Variants in EPB41L5 observed in about 807,000 individuals in gnomAD.
EPB41L5 encodes the protein erythrocyte membrane protein band 4.1 like 5, also known as band 4.1-like protein 5.
A neutral mutation model predicts 106.6 loss-of-function variants in EPB41L5; 55 were observed. The ratio of observed to expected loss-of-function variants is 0.52; its 90% CI spans 0.42 to 0.65. The LOEUF (loss-of-function observed/expected upper bound fraction) is 0.65. Ranked by LOEUF, EPB41L5 falls within the 30% of genes least tolerant of loss-of-function variation. The pLI, the probability that EPB41L5 is intolerant of heterozygous loss-of-function variation, is 0.00. For missense variants in EPB41L5, 871 were observed against 882.1 expected (o/e 0.99, Z 0.16); for synonymous variants, 297 against 306.7 (o/e 0.97, Z 0.33).
chr2:120,055,193 G>A (rs1226965040), intron 3 of EPB41L5, among the ~76,000 whole-genome samples: 1 of 152,126 alleles, frequency 6.6e-6, no homozygotes, highest in Non-Finnish European at 1.5e-5. Flanking sequence ...TGATCCTTAT[G>A]CCAGTACCAC....
intron 11 of EPB41L5, among the ~76,000 whole-genome samples, chr2:120,089,430 GT>G (rs1294748446): frequency 6.6e-6 from 1 of 151,896 alleles, no homozygotes; most frequent in Non-Finnish European, 1.5e-5. Context: ...TGTTAGAATT[GT>G]TTTAAAAACT....
rs539039929 is a variant in EPB41L5, at chr2:120,015,420, G to T, written c.-9+2210G>T. On this transcript the variant is annotated intron_variant, in intron 1 of 24. Coordinates refer to ENST00000263713, the MANE Select transcript of EPB41L5 (RefSeq NM_020909.4). ...TCCGCCTTAGCCTCCCAAAGTGCTG[G>T]GATTACAGACATGAGCCACTGTACC... Among the ~76,000 whole-genome samples, 6 of 151,988 alleles carry T rather than the reference G, an allele frequency of 3.9e-5. No individual in the cohort carries two copies. The South Asian group carries it at 1.0e-3, about 26-fold the overall frequency.
chr2:120,023,868 T>C (rs1217251554), intron 2 of EPB41L5, among the ~76,000 whole-genome samples: 1 of 152,236 alleles, frequency 6.6e-6, no homozygotes, highest in Non-Finnish European at 1.5e-5. Flanking sequence ...GAGCAATGGT[T>C]TGTAGTTCTC....
intron 12 of EPB41L5, among the ~76,000 whole-genome samples, chr2:120,091,308 T>C (rs116229335): frequency 0.021 from 3,227 of 152,276 alleles, 112 homozygotes; most frequent in African/African-American, 0.073. Context: ...TTCAAACTTA[T>C]TTAATGTGTA....
chr2:120,022,647 G>A (rs772028070), intron 2 of EPB41L5, among the ~76,000 whole-genome samples: 11 of 152,126 alleles, frequency 7.2e-5, no homozygotes, highest in Non-Finnish European at 1.3e-4. Flanking sequence ...AATCATACAT[G>A]TGCATGTGTC....
chr2:120,016,046 T>C (rs1677500935), intron 1 of EPB41L5, among the ~76,000 whole-genome samples: 1 of 152,236 alleles, frequency 6.6e-6, no homozygotes, highest in Non-Finnish European at 1.5e-5. Context: ...AAAAATCCTG[T>C]TCCTACAACT....
In EPB41L5 at chr2:120,167,807, A is replaced by C; in HGVS notation, c.2005-70A>C. On this transcript the variant is annotated intron_variant, in intron 23 of 24. Coordinates refer to ENST00000263713, the MANE Select transcript of EPB41L5 (RefSeq NM_020909.4). ...ATCTCATAGTCATTAGTGAAGCTTG[A>C]TTTGGAGCTGAAGTGCTGACCAGGC... is the stretch of plus-strand genomic sequence containing the variant. The C allele has an allele frequency of 3.2e-6, 5 of 1,577,620 alleles. No individual in the cohort carries two copies. In the South Asian group the frequency reaches 4.5e-5, roughly 14 times the overall value.
intron 24 of EPB41L5, among the ~76,000 whole-genome samples, 162 bp downstream of exon 24, chr2:120,168,169 TTTC>T (rs1687501639): frequency 1.3e-5 from 2 of 152,256 alleles, no homozygotes; most frequent in Admixed American, 1.3e-4. Flanking sequence ...GTAGTGGCTT[TTTC>T]TTGTCAGTAG....
intron 3 of EPB41L5, among the ~76,000 whole-genome samples, chr2:120,042,717 A>G (rs1679476071): frequency 6.6e-6 from 1 of 152,166 alleles, no homozygotes; most frequent in African/African-American, 2.4e-5. Context: ...TAGTGGTTAT[A>G]TCATTCAAAC....
chr2:120,074,232 T>G, intron 5 of EPB41L5, 54 bp downstream of exon 5: 4 of 1,357,124 alleles, frequency 2.9e-6, no homozygotes, highest in Admixed American at 1.9e-5. Flanking sequence ...TTTGAAAGAC[T>G]GTCTTTATAT....
intron 16 of EPB41L5, chr2:120,105,169 C>A (rs1036460735): frequency 1.0e-6 from 1 of 979,320 alleles, no homozygotes; most frequent in African/African-American, 1.8e-5. Context: ...TTTAGAATTT[C>A]AAGCTCCTTG....
chr2:120,059,462 TAA>T lies in EPB41L5; in HGVS notation c.286-13709_286-13708del, dbSNP rs1044040958. 3.9e-5 allele frequency among the ~76,000 whole-genome samples: 6 copies of T among 152,074 alleles called. No individual in the cohort carries two copies. In the East Asian group the frequency reaches 9.6e-4, roughly 24 times the overall value. The stretch of plus-strand genomic sequence containing the variant: ...AACATGATACCAAAAGGATGATTTT[TAA>T]AAAAAAGATAAAATGGACTTCATAA... On this transcript the variant is annotated intron_variant, in intron 3 of 24. Coordinates refer to ENST00000263713, the MANE Select transcript of EPB41L5 (RefSeq NM_020909.4).
At chr2:120,121,471 A>G (rs1685213895) in intron 16 of EPB41L5, among the ~76,000 whole-genome samples, 1 of 151,786 alleles carries the variant, frequency 6.6e-6, no homozygotes. Context: ...TGTCCTTGTG[A>G]TAGTTTGCTG....
At chr2:120,065,499 A>C (rs932576436) in intron 3 of EPB41L5, among the ~76,000 whole-genome samples, 5 of 143,110 alleles carry the variant, frequency 3.5e-5, no homozygotes. Context: ...CTGTCTAAGA[A>C]AGACTTTAGA....
At chr2:120,088,249 T>C (rs974168600) in intron 11 of EPB41L5, among the ~76,000 whole-genome samples, 4 of 152,200 alleles carry the variant, frequency 2.6e-5, no homozygotes, top group Non-Finnish European at 4.4e-5. Flanking sequence ...TGGGATACTA[T>C]GCAGCCATAA....
chr2:120,115,329 C>T (rs1684898232), intron 16 of EPB41L5, among the ~76,000 whole-genome samples: 2 of 152,188 alleles, frequency 1.3e-5, no homozygotes, highest in Admixed American at 1.3e-4. Context: ...TTTCTCACTT[C>T]TTCCATTACT....
At chr2:120,149,235 A>C (rs1686559007) in intron 20 of EPB41L5, among the ~76,000 whole-genome samples, 1 of 152,148 alleles carries the variant, frequency 6.6e-6, no homozygotes, top group Admixed American at 6.5e-5. Context: ...TCATCCATTT[A>C]AAGTGTGCAA....
intron 10 of EPB41L5, among the ~76,000 whole-genome samples, chr2:120,079,030 GTTTTAC>G (rs1367474731): frequency 6.6e-6 from 1 of 152,028 alleles, no homozygotes; most frequent in Non-Finnish European, 1.5e-5. Flanking sequence ...TTACATTTAT[GTTTTAC>G]TTTTACATCA....
intron 15 of EPB41L5, 137 bp downstream of exon 15, chr2:120,100,423 T>A: frequency 1.2e-6 from 1 of 838,414 alleles, no homozygotes; most frequent in Non-Finnish European, 1.9e-6. Flanking sequence ...TTCCCTTAAG[T>A]GGTTCAGTAA....
Sources: allele counts gnomAD v4.1 joint callset (sites outside exome capture counted in the v4.1 genomes callset), GRCh38; gene constraint gnomAD v4.1.1; transcripts MANE v1.5; gene names NCBI Gene and HGNC (gene_info 2026-07-23, HGNC 2026-07-21).